Variants in CFAP206 observed in about 807,000 individuals in gnomAD.
The protein encoded by CFAP206 is cilia- and flagella-associated protein 206.
A neutral mutation model predicts 65.4 loss-of-function variants in CFAP206; 53 were observed. That is an observed-to-expected ratio of 0.81 (90% CI 0.65 to 1.02). CFAP206 has a LOEUF of 1.02. Ranked by LOEUF, CFAP206 falls within the 50% of genes least tolerant of loss-of-function variation. CFAP206 has a pLI of 0.00. For missense variants in CFAP206, 663 were observed against 753.2 expected (o/e 0.88, Z 1.40); for synonymous variants, 250 against 254.4 (o/e 0.98, Z 0.17).
intron 9 of CFAP206, among the ~76,000 whole-genome samples, chr6:87,430,415 A>G (rs1034429382): frequency 1.3e-5 from 2 of 152,212 alleles, no homozygotes; most frequent in Non-Finnish European, 2.9e-5. Context: ...GCTAACCAAC[A>G]TAGGAAGAAT....
chr6:87,456,747 A>G (rs1250572246), intron 11 of CFAP206, among the ~76,000 whole-genome samples: 2 of 152,188 alleles, frequency 1.3e-5, no homozygotes, highest in African/African-American at 4.8e-5. Flanking sequence ...GAAATCAAGA[A>G]AGTAATCCCA....
chr6:87,444,715 T>A (rs528330272), intron 11 of CFAP206: 42 of 359,108 alleles, frequency 1.2e-4, no homozygotes, highest in African/African-American at 8.9e-4. Flanking sequence ...AACTATTTTT[T>A]CTTTGATCGC....
chr6:87,451,783 T>C (rs1015488413), intron 11 of CFAP206, among the ~76,000 whole-genome samples: 1 of 151,284 alleles, frequency 6.6e-6, no homozygotes, highest in African/African-American at 2.4e-5. Context: ...CCTGGGCCAG[T>C]AAGAAATCCG....
rs775760644 is a variant in CFAP206 at position 87,464,205 on chromosome 6, C to T, written c.1824C>T (p.Thr608=). ...TTCGTGGAGGAAAGAGCGAAATCAC[C>T]GATGAGGTCAAGGTGAACTTAACTA... ...AGLRGGKSEI[T]DEVKVNLTRD... Residue 608 remains threonine (T), a synonymous_variant, in exon 13 of 13, where the codon ACC becomes ACT. Transcript: ENST00000369562. The T allele has an allele frequency of 1.1e-5, 17 of 1,614,058 alleles. No individual in the cohort carries two copies. The highest frequency in any genetic ancestry group is 6.7e-5 in the Admixed American group (4 of 60,010).
At position 87,458,760 on chromosome 6, in the gene CFAP206, T is replaced by G. The variant is rs1392614724; in HGVS notation, c.1495-2262T>G. Among the ~76,000 whole-genome samples the G allele has an allele frequency of 2.0e-5, 3 of 152,038 alleles. No homozygotes were observed. The East Asian group carries it at 5.8e-4, about 29-fold the overall frequency. On this transcript the variant is annotated intron_variant, in intron 11 of 12. Transcript: ENST00000369562. ...TCTAGTATTTTATAGCACAACAGGG[T>G]GAGTACAGTCAGCAGTAATTTGTTG...
chr6:87,414,098 A>G (rs965359824), intron 4 of CFAP206, among the ~76,000 whole-genome samples, 198 bp downstream of exon 4: 2 of 152,212 alleles, frequency 1.3e-5, no homozygotes, highest in African/African-American at 4.8e-5. Flanking sequence ...TTAAAAGTGA[A>G]TTCCAATTAT....
intron 7 of CFAP206, among the ~76,000 whole-genome samples, chr6:87,418,635 TG>T (rs1937180316): frequency 6.6e-6 from 1 of 152,192 alleles, no homozygotes; most frequent in African/African-American, 2.4e-5. Flanking sequence ...ATTTTTTCAT[TG>T]GTACTTGATA....
rs113601873 is a variant in CFAP206 at position 87,445,892 on chromosome 6, C to T, written c.1494+10839C>T. On this transcript the variant is annotated intron_variant, in intron 11 of 12. Coordinates refer to ENST00000369562, the MANE Select transcript of CFAP206 (RefSeq NM_001031743.3). ...TTGTTTCTTCACTTTTTAATAATCG[C>T]CATTCTGACAGGCATGAGATGATAC... 7.0e-3 allele frequency among the ~76,000 whole-genome samples: 1,070 copies of T among 152,260 alleles called. 18 individuals carry two copies. The highest frequency in any genetic ancestry group is 0.024 in the African/African-American group (1,017 of 41,542).
chr6:87,424,479 G>A (rs551281953), intron 7 of CFAP206, among the ~76,000 whole-genome samples: 1 of 151,894 alleles, frequency 6.6e-6, no homozygotes, highest in Admixed American at 6.6e-5. Context: ...GGGTTTCACC[G>A]TGTTAGCCAG....
intron 6 of CFAP206, among the ~76,000 whole-genome samples, chr6:87,417,755 CT>C (rs11394814): frequency 1.2e-3 from 151 of 121,726 alleles, no homozygotes; most frequent in Middle Eastern, 4.7e-3. Context: ...GTTTTAGATT[CT>C]TTTTTTTTTT....
chr6:87,450,475 A>ATGTGTGTGTGTGTGTG (rs55870560), intron 11 of CFAP206, among the ~76,000 whole-genome samples: 18 of 130,354 alleles, frequency 1.4e-4, no homozygotes, highest in African/African-American at 3.8e-4. Context: ...ATAAATGAAA[A>ATGTGTGTGTGTGTGTG]TGTGTGTGTG....
Position 87,433,463 on chromosome 6 carries a change from C to A in CFAP206, c.1301-1397C>A, listed in dbSNP as rs961098457. Among the ~76,000 whole-genome samples, 5 of 152,296 alleles carry A rather than the reference C, an allele frequency of 3.3e-5. No individual in the cohort carries two copies. In the East Asian group the frequency reaches 9.6e-4, roughly 29 times the overall value. On this transcript the variant is annotated intron_variant, in intron 10 of 12. Coordinates refer to ENST00000369562, the MANE Select transcript of CFAP206 (RefSeq NM_001031743.3). ...TAATTATCTATAGTCTATGTAGTAT[C>A]TTTTTACAGTGAAAAATATTTGCTA...
intron 2 of CFAP206, 70 bp from the exon 3 acceptor site, chr6:87,410,515 T>C: frequency 8.8e-7 from 1 of 1,141,852 alleles, no homozygotes; most frequent in Non-Finnish European, 1.3e-6. Context: ...CATATTAAGC[T>C]AATAATATGA....
At chr6:87,441,928 C>T in intron 11 of CFAP206, 1 of 285,612 alleles carries the variant, frequency 3.5e-6, no homozygotes. Context: ...AATAAAATGT[C>T]TCTTGGAGAT....
At chr6:87,433,698 C>T (rs1217708645) in intron 10 of CFAP206, among the ~76,000 whole-genome samples, 1 of 151,976 alleles carries the variant, frequency 6.6e-6, no homozygotes, top group Non-Finnish European at 1.5e-5. Context: ...CATACTTTAA[C>T]ATAAAAATAT....
intron 3 of CFAP206, among the ~76,000 whole-genome samples, chr6:87,412,986 G>A (rs1767764030): frequency 6.6e-6 from 1 of 152,130 alleles, no homozygotes; most frequent in Non-Finnish European, 1.5e-5. Context: ...AATAAAATGA[G>A]GAGTGTTGTT....
chr6:87,443,003 G>A (rs1004103628), intron 11 of CFAP206, among the ~76,000 whole-genome samples: 1 of 151,968 alleles, frequency 6.6e-6, no homozygotes, highest in African/African-American at 2.4e-5. Flanking sequence ...GAGTATGAAT[G>A]TTTTATATTT....
chr6:87,437,202 T>C (rs1466547403), intron 11 of CFAP206, among the ~76,000 whole-genome samples: 1 of 152,156 alleles, frequency 6.6e-6, no homozygotes. Context: ...ACTCCTGACC[T>C]TGTGATCCAC....
chr6:87,454,611 C>T (rs1028684258), intron 11 of CFAP206, among the ~76,000 whole-genome samples: 7 of 151,756 alleles, frequency 4.6e-5, no homozygotes, highest in African/African-American at 1.7e-4. Context: ...TTTGGGAGGC[C>T]GAGGCAGGCA....
Sources: gnomAD v4.1 joint callset for allele counts (sites outside exome capture counted in the v4.1 genomes callset) on GRCh38, gnomAD v4.1.1 for gene constraint, MANE v1.5 for transcripts, NCBI Gene and HGNC (gene_info 2026-07-23, HGNC 2026-07-21) for gene names.